The following GRIN1 variants were observed in gnomAD, a reference collection of about 807,000 sequenced individuals.
GRIN1 encodes the protein glutamate receptor ionotropic, NMDA 1.
GRIN1 carries 38 observed loss-of-function variants against 103.0 expected under a neutral mutation model. The ratio of observed to expected loss-of-function variants is 0.37; its 90% CI spans 0.28 to 0.48. GRIN1 has a LOEUF of 0.48. GRIN1 is among the 20% of genes least tolerant of loss of function. The pLI is 0.98. For synonymous variants in GRIN1, 544 were observed against 532.7 expected (o/e 1.02, Z -0.29); for missense variants, 577 against 1,288.9 (o/e 0.45, Z 8.46).
rs1453292290 is a variant in GRIN1 at position 137,168,316 on chromosome 9, T to C, written c.*789T>C. The C allele has an allele frequency of 9.6e-6, 2 of 207,898 alleles. No individual in the cohort carries two copies. The highest frequency in any genetic ancestry group is 1.9e-5 in the Non-Finnish European group (2 of 104,474). The allele number at this position is 207,898 out of a possible 1,614,324, so 12.9% of individuals were successfully genotyped here. A position where few individuals can be genotyped will look rare whatever the true frequency, so the allele number is the denominator to read the frequency against. On this transcript the variant is annotated 3_prime_UTR_variant, in exon 20 of 20. Transcript: ENST00000371561. ...CGGCACCGCCCACCCACACCCCGTC[T>C]GCCCCTTGACCCCACACGCCGGGGC... is the stretch of plus-strand genomic sequence containing the variant.
At chr9:137,161,442 C>G (rs760090732) in intron 10 of GRIN1, 26 bp downstream of exon 10, 1 of 1,603,446 alleles carries the variant, frequency 6.2e-7, no homozygotes, top group East Asian at 2.2e-5. Flanking sequence ...GGGGTGGGGA[C>G]CAGCGTGAGA....
chr9:137,164,691 AC>A (rs1833770510), intron 18 of GRIN1: 1 of 193,506 alleles, frequency 5.2e-6, no homozygotes, highest in South Asian at 9.7e-5. Flanking sequence ...GGCACAGGCC[AC>A]CTGGCCATCA....
intron 19 of GRIN1, among the ~76,000 whole-genome samples, chr9:137,166,164 C>A (rs1369457094): frequency 1.3e-5 from 2 of 152,204 alleles, no homozygotes; most frequent in Non-Finnish European, 2.9e-5. Flanking sequence ...AGGGAAACGA[C>A]CACCTCAGCT....
chr9:137,160,436 C>CTTTTTTTTTTTTTTTTTTTT (rs563443845), intron 8 of GRIN1, among the ~76,000 whole-genome samples: 24 of 147,728 alleles, frequency 1.6e-4, no homozygotes, highest in African/African-American at 5.9e-4. Flanking sequence ...GGAATCATGT[C>CTTTTTTTTTTTTTTTTTTTT]TTTTTTTTTT....
rs183622292 is a variant in GRIN1, at chr9:137,147,146, C to T, written c.570+1244C>T. Reference sequence around the variant, plus strand: ...GACTCCCATCACACACTCACCCCTGCGCACCCAACTGCCTGCTTTCACTCA... The same window carrying T: ...GACTCCCATCACACACTCACCCCTGTGCACCCAACTGCCTGCTTTCACTCA... On this transcript the variant is annotated intron_variant, in intron 3 of 19. Coordinates refer to ENST00000371561, the MANE Select transcript of GRIN1 (RefSeq NM_007327.4). 7.4e-3 allele frequency among the ~76,000 whole-genome samples: 1,126 copies of T among 151,668 alleles called. 7 individuals are homozygous for T. Among genetic ancestry groups the T allele is most frequent in the Non-Finnish European group, 0.012 (828 of 67,824 alleles).
intron 3 of GRIN1, 36 bp from the exon 4 acceptor site, chr9:137,148,973 C>G (rs1427920087): frequency 6.8e-7 from 1 of 1,479,156 alleles, no homozygotes; most frequent in East Asian, 2.3e-5. Context: ...TGTCCCCTGC[C>G]CCAGCCGCCT....
At chr9:137,157,198 T>TG (rs1414745845) in intron 6 of GRIN1, among the ~76,000 whole-genome samples, 161 bp downstream of exon 6, 5 of 11,456 alleles carry the variant, frequency 4.4e-4, no homozygotes, top group Non-Finnish European at 6.5e-4. Flanking sequence ...CTTAGGGAGC[T>TG]GGGGGAGCGC....
At position 137,162,879 on chromosome 9, in the gene GRIN1, A is replaced by G; in HGVS notation, c.2047A>G (p.Thr683Ala). 6.2e-7 allele frequency: 1 copy of G among 1,612,160 alleles called. No individual in the cohort carries two copies. Reference protein sequence around the residue: ...RNPSDKFIYATVKQSSVDIYF... With the variant: ...RNPSDKFIYAAVKQSSVDIYF... The stretch of plus-strand genomic sequence containing the variant: ...CCCCTCGGACAAGTTTATCTACGCC[A>G]CGGTGAAGCAGAGCTCCGTGGATAT... The change falls in exon 15 of 20, where the codon ACG becomes GCG. Residue 683 changes from threonine to alanine, a missense_variant. Transcript: ENST00000371561.
intron 4 of GRIN1, among the ~76,000 whole-genome samples, chr9:137,152,661 C>A (rs1832974641): frequency 1.3e-5 from 2 of 152,130 alleles, no homozygotes; most frequent in African/African-American, 4.8e-5. Flanking sequence ...AGCCTCAGGG[C>A]CAAGGTCACG....
Position 137,147,017 on chromosome 9 carries a change from T to TCCCCCCAGCACCCGACAGGCCCCCC in GRIN1, c.570+1124_570+1125insACCCGACAGGCCCCCCCCCCCCAGC, listed in dbSNP as rs71387807. 2.7e-4 allele frequency among the ~76,000 whole-genome samples: 18 copies of TCCCCCCAGCACCCGACAGGCCCCCC among 67,054 alleles called. 1 individual carries two copies. Among genetic ancestry groups the TCCCCCCAGCACCCGACAGGCCCCCC allele is most frequent in the South Asian group, 5.1e-4 (1 of 1,976 alleles). The allele number at this position is 67,054 out of a possible 152,430, so 44.0% of individuals were successfully genotyped here. ...CTCACCCCAGTGCCCGACAGGCCCC[T>TCCCCCCAGCACCCGACAGGCCCCCC]CCCCCCAGCGCCCGACAGGCCCCTC... On this transcript the variant is annotated intron_variant, in intron 3 of 19. Transcript: ENST00000371561.
Position 137,162,703 on chromosome 9 carries a change from G to C in GRIN1, c.1977G>C (p.Arg659=). ...TGGCGGCCTTCCTGGTGCTGGACCGGCCGGAGGAGCGCATCACGGGCATCA... is the reference window on the plus strand; with the variant it reads ...TGGCGGCCTTCCTGGTGCTGGACCGCCCGGAGGAGCGCATCACGGGCATCA... The part of the protein sequence containing the change: ...ANLAAFLVLD[R]PEERITGIND... The change falls in exon 14 of 20, where the codon CGG becomes CGC. Residue 659 remains arginine, a synonymous_variant. Coordinates refer to ENST00000371561, the MANE Select transcript of GRIN1 (RefSeq NM_007327.4). 6.2e-7 allele frequency: 1 copy of C among 1,607,576 alleles called. No individual in the cohort carries two copies.
At chr9:137,149,455 G>A (rs1832718118) in intron 4 of GRIN1, among the ~76,000 whole-genome samples, 1 of 152,254 alleles carries the variant, frequency 6.6e-6, no homozygotes, top group Non-Finnish European at 1.5e-5. Flanking sequence ...GCCCAGGCCT[G>A]GGGCCAGGGA....
chr9:137,143,780 G>A (rs533650269), intron 2 of GRIN1, among the ~76,000 whole-genome samples: 1 of 152,340 alleles, frequency 6.6e-6, no homozygotes, highest in East Asian at 1.9e-4. Context: ...CAAAGAGGGA[G>A]CAGGTGAAAA....
chr9:137,165,510 G>C, intron 19 of GRIN1: 1 of 595,984 alleles, frequency 1.7e-6, no homozygotes, highest in Non-Finnish European at 3.1e-6. Context: ...GGCTTTCCCC[G>C]TGTGTCTCCG....
rs540334682 is a variant in GRIN1 at position 137,146,003 on chromosome 9, G to A, written c.570+101G>A. On this transcript the variant is annotated intron_variant, in intron 3 of 19. Coordinates refer to ENST00000371561, the MANE Select transcript of GRIN1 (RefSeq NM_007327.4). This position sits in a 1 kb window ranked among gnomAD's most constrained non-coding sequence, Gnocchi z 6.7. ...TGTGTGACACCCTCTTCTTTCCATC[G>A]TGCATGGTCAGCACCACCACGTCTG... The A allele has an allele frequency of 1.1e-4, 95 of 873,560 alleles. No homozygotes were observed. In the African/African-American group the frequency reaches 1.1e-3, roughly 10 times the overall value. The allele number at this position is 873,560 out of a possible 1,614,324, so 54.1% of individuals were successfully genotyped here.
intron 3 of GRIN1, 37 bp from the exon 4 acceptor site, chr9:137,148,972 C>A: frequency 6.9e-7 from 1 of 1,458,382 alleles, no homozygotes; most frequent in Non-Finnish European, 9.5e-7. Context: ...ATGTCCCCTG[C>A]CCCAGCCGCC....
rs535107012 is a variant in GRIN1 at position 137,157,117 on chromosome 9, C to T, written c.968+80C>T. The stretch of plus-strand genomic sequence containing the variant: ...GTCACTCCAGAGATGGGCGGGGCCG[C>T]TCTTGGGGAGGTGGGCGGGGCCACT... On this transcript the variant is annotated intron_variant, in intron 6 of 19. Transcript: ENST00000371561. 3.2e-6 allele frequency: 3 copies of T among 926,550 alleles called. No homozygotes were observed. In the East Asian group the frequency reaches 1.1e-4, roughly 35 times the overall value. The allele number at this position is 926,550 out of a possible 1,614,324, so 57.4% of individuals were successfully genotyped here.
In GRIN1 at chr9:137,161,156, A is replaced by C. The variant is rs1213598013; in HGVS notation, c.1298A>C (p.Lys433Thr). The change falls in exon 9 of 20, where the codon AAG (lysine) becomes ACG (threonine). Residue 433 changes from lysine to threonine, a missense_variant. By Grantham distance (78) the Lys-to-Thr change is moderately conservative. This residue lies in a region of GRIN1 where 96 missense variants were observed against 145.0 expected (regional missense o/e 0.66). Coordinates refer to ENST00000371561, the MANE Select transcript of GRIN1 (RefSeq NM_007327.4). ...EFTVNGDPVK[K>T]VICTGPNDTS... ...ACAGTCAACGGCGACCCAGTCAAGA[A>C]GGTGATCTGCACCGGGCCCAACGAC... The C allele has an allele frequency of 1.2e-6, 2 of 1,612,370 alleles. No homozygotes were observed. Among genetic ancestry groups the C allele is most frequent in the East Asian group, 4.5e-5 (2 of 44,840 alleles).
chr9:137,145,893 T>A lies in GRIN1; in HGVS notation c.561T>A (p.Arg187=), dbSNP rs200910138. 1.2e-6 allele frequency: 2 copies of A among 1,603,460 alleles called. No homozygotes were observed. Among genetic ancestry groups the A allele is most frequent in the Admixed American group, 1.7e-5 (1 of 58,566 alleles). ...QKRLETLLEE[R]ESKAEKVLQF... ...GCCTGGAGACGCTGCTGGAGGAGCG[T>A]GAGTCCAAGGTGAGGGTCGGCGCCG... The change falls in exon 3 of 20, where the codon CGT becomes CGA. Residue 187 remains arginine (R), a synonymous_variant. Coordinates refer to ENST00000371561, the MANE Select transcript of GRIN1 (RefSeq NM_007327.4).
Sources: allele counts gnomAD v4.1 joint callset (sites outside exome capture counted in the v4.1 genomes callset), GRCh38; gene constraint gnomAD v4.1.1; regional missense constraint gnomAD v4.1.1; non-coding constraint Gnocchi (gnomAD v3.1); transcripts MANE v1.5; gene names NCBI Gene and HGNC (gene_info 2026-07-23, HGNC 2026-07-21).